PPP3CA: variants seen among roughly 807,000 people sequenced by gnomAD.
The protein encoded by PPP3CA is protein phosphatase 3 catalytic subunit alpha.
Under a neutral mutation model 66.5 loss-of-function variants are expected in PPP3CA, and 14 were observed. The ratio of observed to expected loss-of-function variants is 0.21; its 90% CI spans 0.14 to 0.33. The LOEUF is 0.33. Ranked by LOEUF, PPP3CA falls within the 10% of genes least tolerant of loss-of-function variation. PPP3CA has a pLI of 1.00. For missense variants in PPP3CA, 317 were observed against 639.5 expected, an observed-to-expected ratio of 0.50 and a Z score of 5.44; for synonymous variants, 232 against 226.2, an observed-to-expected ratio of 1.03 and a Z score of -0.23.
intron 2 of PPP3CA, among the ~76,000 whole-genome samples, chr4:101,183,865 A>G (rs1724321843): frequency 6.6e-6 from 1 of 152,124 alleles, no homozygotes; most frequent in Admixed American, 6.6e-5. Flanking sequence ...TACCTGATTC[A>G]TCATAAATTA....
chr4:101,060,959 C>T, intron 10 of PPP3CA, 128 bp downstream of exon 10: 1 of 791,516 alleles, frequency 1.3e-6, no homozygotes, highest in Non-Finnish European at 2.1e-6. Context: ...GAAATCATAT[C>T]TTTTATTCTC....
intron 1 of PPP3CA, among the ~76,000 whole-genome samples, chr4:101,251,276 G>A (rs867364511): frequency 6.6e-6 from 1 of 151,864 alleles, no homozygotes; most frequent in African/African-American, 2.4e-5. Context: ...TTATGTATAC[G>A]TATTTCTATG....
At chr4:101,263,191 T>C (rs1452486192) in intron 1 of PPP3CA, among the ~76,000 whole-genome samples, 4 of 152,204 alleles carry the variant, frequency 2.6e-5, no homozygotes, top group Admixed American at 2.6e-4. Context: ...CAGTAGCTAT[T>C]GCAGAGTATG....
chr4:101,275,578 G>T (rs910956779), intron 1 of PPP3CA, among the ~76,000 whole-genome samples: 1 of 152,110 alleles, frequency 6.6e-6, no homozygotes, highest in African/African-American at 2.4e-5. Context: ...AACAACAAAT[G>T]ACTTCAACAT....
intron 11 of PPP3CA, among the ~76,000 whole-genome samples, chr4:101,038,969 G>A (rs1578394848): frequency 6.6e-6 from 1 of 152,142 alleles, no homozygotes; most frequent in African/African-American, 2.4e-5. Flanking sequence ...GGAAATTCTA[G>A]AGCTGTTTTT....
At position 101,128,090 on chromosome 4, in the gene PPP3CA, T is replaced by C. The variant is rs182292893; in HGVS notation, c.260-19012A>G. Among the ~76,000 whole-genome samples the C allele has an allele frequency of 1.8e-4, 27 of 152,296 alleles. 1 individual carries two copies. Among genetic ancestry groups the C allele is most frequent in the African/African-American group, 6.5e-4 (27 of 41,562 alleles). Reference sequence around the variant, plus strand: ...GAAAGGCATCCCTCACATAGAGATATCTAGGCCACAGACTTGTCCAGTCTT... The same window carrying C: ...GAAAGGCATCCCTCACATAGAGATACCTAGGCCACAGACTTGTCCAGTCTT... On this transcript the variant is annotated intron_variant, in intron 2 of 13. Transcript: ENST00000394854.
intron 2 of PPP3CA, among the ~76,000 whole-genome samples, chr4:101,146,473 C>T (rs955067005): frequency 1.3e-5 from 2 of 151,306 alleles, no homozygotes; most frequent in African/African-American, 2.4e-5. Context: ...AATGGAGTCT[C>T]GCTCTGTCGC....
chr4:101,067,404 A>G (rs1728725221), intron 8 of PPP3CA, among the ~76,000 whole-genome samples: 1 of 152,042 alleles, frequency 6.6e-6, no homozygotes, highest in Admixed American at 6.6e-5. Context: ...TTCCCTGTAC[A>G]TAGTGAAGTC....
At chr4:101,335,455 C>G (rs1285682794) in intron 1 of PPP3CA, among the ~76,000 whole-genome samples, 2 of 152,054 alleles carry the variant, frequency 1.3e-5, no homozygotes, top group Admixed American at 1.3e-4. Context: ...ATGCTTTCAT[C>G]CTGTCTTTAT....
chr4:101,243,980 G>A (rs760219160), intron 1 of PPP3CA, among the ~76,000 whole-genome samples: 1 of 152,152 alleles, frequency 6.6e-6, no homozygotes, highest in Non-Finnish European at 1.5e-5. Context: ...ATAAGATAAG[G>A]TTTGGTATCT....
rs547968316 is a variant in PPP3CA, at chr4:101,040,261, C to T, written c.1241+221G>A. Among the ~76,000 whole-genome samples the T allele has an allele frequency of 6.4e-4, 97 of 152,122 alleles. 1 individual carries two copies. Among genetic ancestry groups the T allele is most frequent in the African/African-American group, 2.2e-3 (90 of 41,478 alleles). On this transcript the variant is annotated intron_variant, in intron 11 of 13. Coordinates refer to ENST00000394854, the MANE Select transcript of PPP3CA (RefSeq NM_000944.5). ...TAGAGGAATAAAATGTGATGCAATT[C>T]GAGACTTTCTTAACAGAAATAATTT... is the stretch of plus-strand genomic sequence containing the variant.
chr4:101,339,580 C>T (rs1009990769), intron 1 of PPP3CA, among the ~76,000 whole-genome samples: 37 of 152,284 alleles, frequency 2.4e-4, no homozygotes, highest in Admixed American at 7.2e-4. Context: ...CACTCCAATT[C>T]GCCAGTCACC....
chr4:101,207,947 G>T (rs1725185374), intron 1 of PPP3CA, among the ~76,000 whole-genome samples: 1 of 152,002 alleles, frequency 6.6e-6, no homozygotes, highest in South Asian at 2.1e-4. Context: ...GTTCCCCAAA[G>T]CATCCAAAAA....
intron 1 of PPP3CA, among the ~76,000 whole-genome samples, chr4:101,247,136 T>A (rs923298644): frequency 5.9e-5 from 9 of 152,022 alleles, no homozygotes; most frequent in African/African-American, 2.2e-4. Flanking sequence ...AATGTCTTCC[T>A]TGTCATCGTT....
At position 101,296,985 on chromosome 4, in the gene PPP3CA, T is replaced by C. The variant is rs148317657; in HGVS notation, c.58+49754A>G. ...TGTATTTAAAACACCAAGAGGTTTC[T>C]TTTAAAAAGTTTTAATATATGCACA... On this transcript the variant is annotated intron_variant, in intron 1 of 13. Coordinates refer to ENST00000394854, the MANE Select transcript of PPP3CA (RefSeq NM_000944.5). 8.3e-3 allele frequency among the ~76,000 whole-genome samples: 1,267 copies of C among 152,344 alleles called. 17 individuals are homozygous for C. Among genetic ancestry groups the C allele is most frequent in the African/African-American group, 0.029 (1,222 of 41,582 alleles).
intron 1 of PPP3CA, among the ~76,000 whole-genome samples, chr4:101,252,366 G>A (rs1426926309): frequency 6.6e-6 from 1 of 152,164 alleles, no homozygotes; most frequent in Non-Finnish European, 1.5e-5. Flanking sequence ...AAATACAGTA[G>A]AGAATTACTA....
At chr4:101,094,084 T>C (rs1393017582) in intron 5 of PPP3CA, among the ~76,000 whole-genome samples, 169 bp from the exon 6 acceptor site, 1 of 152,136 alleles carries the variant, frequency 6.6e-6, no homozygotes, top group South Asian at 2.1e-4. Context: ...CCTACTCGTT[T>C]TCCTATCCTT....
intron 2 of PPP3CA, among the ~76,000 whole-genome samples, chr4:101,109,308 T>TAAAAAAAAAAAAAAAAAAAAAA: frequency 1.1e-5 from 1 of 90,044 alleles, no homozygotes; most frequent in Non-Finnish European, 2.2e-5. Context: ...ACAGATTAAC[T>TAAAAAAAAAAAAAAAAAAAAAA]AAAAAAAAAA....
chr4:101,220,402 C>A (rs989719140), intron 1 of PPP3CA, among the ~76,000 whole-genome samples: 7 of 150,876 alleles, frequency 4.6e-5, no homozygotes, highest in Admixed American at 4.0e-4. Context: ...ATTTTTAGTT[C>A]TATTTGAATC....
Sources: gnomAD v4.1 joint callset for allele counts (sites outside exome capture counted in the v4.1 genomes callset) on GRCh38, gnomAD v4.1.1 for gene constraint, MANE v1.5 for transcripts, NCBI Gene and HGNC (gene_info 2026-07-23, HGNC 2026-07-21) for gene names.